SPON1: variants seen among roughly 807,000 people sequenced by gnomAD.
SPON1 encodes the protein spondin 1.
In SPON1, 52 loss-of-function variants were observed where a neutral mutation model predicts 111.7. The observed-to-expected ratio is 0.47, with a 90% CI of 0.37 to 0.59. The LOEUF (loss-of-function observed/expected upper bound fraction) is 0.59. Ranked by LOEUF, SPON1 falls within the 20% of genes least tolerant of loss-of-function variation. The pLI, the probability that SPON1 is intolerant of heterozygous loss-of-function variation, is 0.00. For synonymous variants in SPON1, 410 were observed against 395.8 expected, an observed-to-expected ratio of 1.04 and a Z score of -0.43; for missense variants, 957 against 1,068.5, an observed-to-expected ratio of 0.90 and a Z score of 1.46.
At chr11:14,058,446 A>G (rs1161022473) in intron 3 of SPON1, among the ~76,000 whole-genome samples, 1 of 152,168 alleles carries the variant, frequency 6.6e-6, no homozygotes, top group African/African-American at 2.4e-5. Context: ...GCAGGTACCC[A>G]TCCTGGTTGA....
rs182598169 is a variant in SPON1, at chr11:14,032,492, C to G, written c.346-9029C>G. Among the ~76,000 whole-genome samples the G allele has an allele frequency of 2.6e-3, 403 of 152,256 alleles. 9 individuals carry two copies. In the Middle Eastern group the frequency reaches 0.031, roughly 12 times the overall value. On this transcript the variant is annotated intron_variant, in intron 2 of 15. Coordinates refer to ENST00000576479, the MANE Select transcript of SPON1 (RefSeq NM_006108.4). ...GACCAGTTAGGAGAGGGGTGCACGG[C>G]ACACAAGGGGAACCACAACATACCG...
At chr11:14,093,498 T>G (rs916015553) in intron 5 of SPON1, among the ~76,000 whole-genome samples, 1 of 152,242 alleles carries the variant, frequency 6.6e-6, no homozygotes, top group East Asian at 1.9e-4. Flanking sequence ...TAATGCTGTT[T>G]AACAGATATG....
In SPON1 at chr11:14,071,005, G is replaced by C. The variant is rs541292332; in HGVS notation, c.480-4340G>C. 4.0e-4 allele frequency among the ~76,000 whole-genome samples: 61 copies of C among 152,190 alleles called. 1 individual carries two copies. The South Asian group carries it at 9.5e-3, about 24-fold the overall frequency. ...AGATTTCCTTAACATGCTCTCTTATGATAAGAGAGCATTCAGTATATAAAT... is the reference window on the plus strand; with the variant it reads ...AGATTTCCTTAACATGCTCTCTTATCATAAGAGAGCATTCAGTATATAAAT... On this transcript the variant is annotated intron_variant, in intron 3 of 15. Coordinates refer to ENST00000576479, the MANE Select transcript of SPON1 (RefSeq NM_006108.4).
At chr11:14,183,416 A>G (rs1221606391) in intron 6 of SPON1, among the ~76,000 whole-genome samples, 1 of 152,144 alleles carries the variant, frequency 6.6e-6, no homozygotes, top group Non-Finnish European at 1.5e-5. Context: ...ACAAAATCTC[A>G]CTTGAACCGT....
chr11:14,151,601 C>T (rs1481244303), intron 6 of SPON1, among the ~76,000 whole-genome samples: 2 of 152,186 alleles, frequency 1.3e-5, no homozygotes, highest in Non-Finnish European at 2.9e-5. Flanking sequence ...TGTCATCCTC[C>T]TGGGTTATAA....
At chr11:14,108,738 G>A (rs111932701) in intron 5 of SPON1, among the ~76,000 whole-genome samples, 10 of 151,920 alleles carry the variant, frequency 6.6e-5, no homozygotes, top group African/African-American at 2.4e-4. Context: ...CTAATTTTAA[G>A]TTAGTATTTG....
At chr11:14,166,523 G>A (rs531539537) in intron 6 of SPON1, among the ~76,000 whole-genome samples, 11 of 152,216 alleles carry the variant, frequency 7.2e-5, no homozygotes, top group African/African-American at 2.4e-4. Flanking sequence ...AATTTTTAAA[G>A]TTATCTGAGT....
intron 6 of SPON1, among the ~76,000 whole-genome samples, chr11:14,160,455 T>TATA (rs1847902137): frequency 1.3e-4 from 1 of 7,650 alleles, no homozygotes; most frequent in African/African-American, 4.8e-4. Flanking sequence ...ATATATATAT[T>TATA]TATATATATA....
At chr11:14,122,115 T>A (rs1554926564) in intron 5 of SPON1, among the ~76,000 whole-genome samples, 3 of 152,178 alleles carry the variant, frequency 2.0e-5, no homozygotes, top group African/African-American at 7.2e-5. Context: ...GATCTATAGG[T>A]TGGTATTTTT....
intron 2 of SPON1, among the ~76,000 whole-genome samples, chr11:14,022,753 A>C (rs1848490089): frequency 6.6e-6 from 1 of 152,210 alleles, no homozygotes; most frequent in Non-Finnish European, 1.5e-5. Context: ...TGAATTACTG[A>C]AACCTTTTCA....
chr11:14,218,758 A>G (rs1554937342), intron 6 of SPON1, among the ~76,000 whole-genome samples: 2 of 152,224 alleles, frequency 1.3e-5, no homozygotes, highest in East Asian at 3.8e-4. Flanking sequence ...CTCATGGCAG[A>G]TCAGACCCAC....
chr11:14,130,817 A>G (rs1398156192), intron 5 of SPON1, among the ~76,000 whole-genome samples: 1 of 151,376 alleles, frequency 6.6e-6, no homozygotes, highest in African/African-American at 2.4e-5. Context: ...CTCTCACCTA[A>G]TTATATATTA....
intron 5 of SPON1, among the ~76,000 whole-genome samples, chr11:14,132,692 A>G (rs782719590): frequency 6.6e-6 from 1 of 152,188 alleles, no homozygotes; most frequent in Non-Finnish European, 1.5e-5. Flanking sequence ...AGAAAACTCC[A>G]TCTGGGTCCC....
At chr11:14,094,858 G>T (rs150514359) in intron 5 of SPON1, among the ~76,000 whole-genome samples, 5 of 152,318 alleles carry the variant, frequency 3.3e-5, no homozygotes, top group African/African-American at 9.6e-5. Flanking sequence ...GGGAGGATGC[G>T]CAAGGAGGAC....
At chr11:14,162,649 G>A (rs1847979909) in intron 6 of SPON1, among the ~76,000 whole-genome samples, 1 of 152,114 alleles carries the variant, frequency 6.6e-6, no homozygotes, top group Non-Finnish European at 1.5e-5. Context: ...AGTCCTTTCA[G>A]AGCAGTCATA....
rs115691489 is a variant in SPON1 at position 14,128,847 on chromosome 11, G to A, written c.677-6573G>A. On this transcript the variant is annotated intron_variant, in intron 5 of 15. Transcript: ENST00000576479. ...AATTCTTGCCATCTGTGTACCCACA[G>A]ACCCCCAACACCACGTAGAAGCAGC... Among the ~76,000 whole-genome samples the A allele has an allele frequency of 2.0e-3, 302 of 152,348 alleles. 1 individual carries two copies. The highest frequency in any genetic ancestry group is 6.9e-3 in the African/African-American group (285 of 41,586).
intron 3 of SPON1, among the ~76,000 whole-genome samples, chr11:14,042,047 T>A (rs12799363): frequency 0.23 from 35,343 of 151,840 alleles, 4,952 homozygotes; most frequent in South Asian, 0.33. Flanking sequence ...GAGACCCACA[T>A]GTGACCTCCA....
At chr11:14,152,744 A>G (rs926237823) in intron 6 of SPON1, among the ~76,000 whole-genome samples, 14 of 152,226 alleles carry the variant, frequency 9.2e-5, no homozygotes, top group Non-Finnish European at 7.3e-5. Flanking sequence ...TTAAAATGCA[A>G]TGACTTCCCT....
chr11:14,099,328 TAC>T (rs1849125939), intron 5 of SPON1, among the ~76,000 whole-genome samples: 1 of 152,230 alleles, frequency 6.6e-6, no homozygotes, highest in South Asian at 2.1e-4. Flanking sequence ...GTTGGTAATT[TAC>T]ACACATCCAC....
Sources: gnomAD v4.1 joint callset for allele counts (sites outside exome capture counted in the v4.1 genomes callset) on GRCh38, gnomAD v4.1.1 for gene constraint, MANE v1.5 for transcripts, NCBI Gene and HGNC (gene_info 2026-07-23, HGNC 2026-07-21) for gene names.